The following BTD variants were observed in gnomAD, a reference collection of about 807,000 sequenced individuals.
The protein encoded by BTD is biocytinase.
In BTD, 13 loss-of-function variants were observed where a neutral mutation model predicts 17.7. That is an observed-to-expected ratio of 0.74 (90% CI 0.48 to 1.17). The LOEUF is 1.17. Ranked by LOEUF, BTD falls within the 50% of genes most tolerant of loss-of-function variation. The probability of loss-of-function intolerance (pLI) is 0.00; values close to 1 mark genes in which losing one functional copy is unlikely to be tolerated. For missense variants in BTD, 674 were observed against 650.4 expected (o/e 1.04, Z -0.39); for synonymous variants, 240 against 245.2 (o/e 0.98, Z 0.20).
chr3:15,630,245 C>A, intron 1 of BTD: 1 of 256,808 alleles, frequency 3.9e-6, no homozygotes, highest in Non-Finnish European at 6.1e-6. Flanking sequence ...GAAAAGCCAT[C>A]CATTTACTGC....
chr3:15,694,816 GA>G, intron 3 of BTD: 2 of 1,612,810 alleles, frequency 1.2e-6, no homozygotes, highest in Non-Finnish European at 1.7e-6. Flanking sequence ...TCCATTAACT[GA>G]AAAAGAAGAG....
downstream of BTD, chr3:15,714,590 T>C (rs759899806): frequency 2.1e-5 from 34 of 1,584,640 alleles, no homozygotes; most frequent in South Asian, 3.4e-4. Flanking sequence ...CTCTGGATAA[T>C]GGTTTGTGAT....
At chr3:15,637,679 C>T (rs2065386980) in intron 2 of BTD, among the ~76,000 whole-genome samples, 1 of 152,210 alleles carries the variant, frequency 6.6e-6, no homozygotes, top group Admixed American at 6.5e-5. Context: ...TCCTAGAGGG[C>T]AGGCATTCTC....
Position 15,644,684 on chromosome 3 carries a change from C to T in BTD, c.768C>T (p.Leu256=). ...ACCCAACTGCCTGGATGAACCAGCT[C>T]CCACTCTTGGCAGCAATTGAGATTC... ...VVYPTAWMNQ[L]PLLAAIEIQK... The change falls in exon 4 of 4, where the codon CTC becomes CTT. Residue 256 remains leucine (L), a synonymous_variant. Transcript: ENST00000643237. 1.2e-6 allele frequency: 2 copies of T among 1,614,190 alleles called. No homozygotes were observed. The highest frequency in any genetic ancestry group is 1.7e-5 in the Admixed American group (1 of 60,024).
upstream of BTD, chr3:15,601,417 C>G (rs1198293253): frequency 1.2e-6 from 2 of 1,613,936 alleles, no homozygotes; most frequent in Non-Finnish European, 1.7e-6. Context: ...GACTTTAGCA[C>G]CAGACACCTG....
exon 4 of BTD, among the ~76,000 whole-genome samples, chr3:15,710,822 A>AT (rs920476939): frequency 2.6e-5 from 4 of 151,852 alleles, no homozygotes; most frequent in African/African-American, 7.3e-5. Flanking sequence ...CAAAATGAAC[A>AT]TTTTTTTCCT....
rs1045768038 is a variant in BTD at position 15,650,104 on chromosome 3, G to A, written c.*4616G>A. On this transcript the variant is annotated 3_prime_UTR_variant, in exon 4 of 4. Coordinates refer to ENST00000643237, the MANE Select transcript of BTD (RefSeq NM_001370658.1). ...CCTATTCATCTTTTGTCTCTGCAGC[G>A]TTCAGCATGGCACTGTCTTGGCTTA... Among the ~76,000 whole-genome samples the A allele has an allele frequency of 2.6e-5, 4 of 152,184 alleles. No individual in the cohort carries two copies. The highest frequency in any genetic ancestry group is 4.8e-5 in the African/African-American group (2 of 41,432).
intron 4 of BTD, among the ~76,000 whole-genome samples, chr3:15,721,512 T>C (rs781654613): frequency 4.6e-5 from 7 of 152,198 alleles, no homozygotes; most frequent in Non-Finnish European, 1.0e-4. Context: ...TTCTGAGGTA[T>C]ATTCAGTAAC....
chr3:15,679,248 G>T, intron 3 of BTD: 1 of 1,526,110 alleles, frequency 6.6e-7, no homozygotes, highest in Non-Finnish European at 9.1e-7. Context: ...AGGATTATAG[G>T]CATGAGCCAC....
downstream of BTD, among the ~76,000 whole-genome samples, chr3:15,713,016 C>T (rs771031468): frequency 7.2e-5 from 11 of 152,110 alleles, no homozygotes; most frequent in Admixed American, 7.2e-4. Flanking sequence ...CAGGAGGACT[C>T]ATCTTTCAAA....
At chr3:15,620,389 G>A (rs2064915172) in intron 1 of BTD, among the ~76,000 whole-genome samples, 8 of 152,114 alleles carry the variant, frequency 5.3e-5, no homozygotes, top group Admixed American at 5.2e-4. Flanking sequence ...AAAGAATTTA[G>A]CGATATGTTT....
At chr3:15,712,055 A>G in exon 4 of BTD, 1 of 1,058,050 alleles carries the variant, frequency 9.5e-7, no homozygotes, top group Non-Finnish European at 1.4e-6. Flanking sequence ...CATCTGCATT[A>G]ATTTTTAAAA....
chr3:15,672,279 G>A (rs1373706772), intron 3 of BTD, among the ~76,000 whole-genome samples: 1 of 151,632 alleles, frequency 6.6e-6, no homozygotes, highest in African/African-American at 2.4e-5. Context: ...GACTAGCTCT[G>A]ACTATAGGCA....
At position 15,635,251 on chromosome 3, in the gene BTD, T is replaced by C. The variant is rs1308767641; in HGVS notation, c.-16-173T>C. Among the ~76,000 whole-genome samples the C allele has an allele frequency of 1.3e-5, 2 of 152,216 alleles. No individual in the cohort carries two copies. The highest frequency in any genetic ancestry group is 4.8e-5 in the African/African-American group (2 of 41,456). On this transcript the variant is annotated intron_variant, in intron 1 of 3. Coordinates refer to ENST00000643237, the MANE Select transcript of BTD (RefSeq NM_001370658.1). The surrounding 1 kb of genome is among the most constrained non-coding windows in gnomAD (Gnocchi z 4.1). ...GCCATTTTAAATGTGGCTTGCTACG[T>C]GTTTGGAGAGAAACACATACTCTTT...
chr3:15,668,556 C>T (rs2125558107), intron 3 of BTD: 1 of 152,374 alleles, frequency 6.6e-6, no homozygotes, highest in Non-Finnish European at 1.5e-5. Context: ...GCCCTAGAAA[C>T]TTTATAGATT....
intron 1 of BTD, among the ~76,000 whole-genome samples, chr3:15,610,945 G>A (rs2064604072): frequency 1.4e-5 from 2 of 145,948 alleles, no homozygotes; most frequent in African/African-American, 5.1e-5. Context: ...GGGTAATGTT[G>A]TCAGATTTAG....
chr3:15,634,062 G>A (rs1361650463), intron 1 of BTD, among the ~76,000 whole-genome samples: 1 of 152,198 alleles, frequency 6.6e-6, no homozygotes, highest in Non-Finnish European at 1.5e-5. Flanking sequence ...AGATGGAACC[G>A]GGTTGGGGTG....
intron 1 of BTD, among the ~76,000 whole-genome samples, chr3:15,609,495 T>G (rs2064553393): frequency 1.3e-5 from 2 of 152,230 alleles, no homozygotes; most frequent in Non-Finnish European, 2.9e-5. Context: ...TATATCAAGG[T>G]GGAGGTCATC....
intron 1 of BTD, among the ~76,000 whole-genome samples, chr3:15,605,318 A>G (rs1427344290): frequency 6.6e-6 from 1 of 152,192 alleles, no homozygotes; most frequent in African/African-American, 2.4e-5. Context: ...CCATTTATAA[A>G]ACCATCACAG....
Sources: gnomAD v4.1 joint callset for allele counts (sites outside exome capture counted in the v4.1 genomes callset) on GRCh38, gnomAD v4.1.1 for gene constraint, Gnocchi (gnomAD v3.1) non-coding constraint, MANE v1.5 for transcripts, NCBI Gene and HGNC (gene_info 2026-07-23, HGNC 2026-07-21) for gene names.